The following BEAN1 variants were observed in gnomAD, a reference collection of about 807,000 sequenced individuals.
BEAN1 encodes protein BEAN1.
Under a neutral mutation model 17.7 loss-of-function variants are expected in BEAN1, and 17 were observed. The ratio of observed to expected loss-of-function variants is 0.96; its 90% CI spans 0.66 to 1.44. The LOEUF (loss-of-function observed/expected upper bound fraction) is 1.44. BEAN1 is among the 40% of genes most tolerant of loss of function. The pLI is 0.00. For missense variants in BEAN1, 359 were observed against 374.1 expected, an observed-to-expected ratio of 0.96 and a Z score of 0.33; for synonymous variants, 142 against 151.8, an observed-to-expected ratio of 0.94 and a Z score of 0.47.
chr16:66,439,168 G>A (rs1302932810), intron 2 of BEAN1, among the ~76,000 whole-genome samples: 1 of 152,174 alleles, frequency 6.6e-6, no homozygotes, highest in South Asian at 2.1e-4. Context: ...GCTGGCTGTG[G>A]GGTTCATTGT....
chr16:66,475,475 A>G (rs1597040140), intron 3 of BEAN1: 2 of 152,256 alleles, frequency 1.3e-5, no homozygotes, highest in African/African-American at 4.8e-5. Flanking sequence ...TGTGACAGGC[A>G]CACCTGCTGC....
intron 2 of BEAN1, among the ~76,000 whole-genome samples, chr16:66,466,935 T>C (rs906111224): frequency 6.6e-6 from 1 of 152,158 alleles, no homozygotes; most frequent in Non-Finnish European, 1.5e-5. Context: ...ACAAATCCAA[T>C]TTGTCAGTAC....
intron 2 of BEAN1, among the ~76,000 whole-genome samples, chr16:66,466,205 G>T (rs1236449813): frequency 6.6e-6 from 1 of 152,178 alleles, no homozygotes; most frequent in Non-Finnish European, 1.5e-5. Context: ...TGAGGCAGGA[G>T]AATCACTTGA....
chr16:66,486,881 C>T (rs1167565282), downstream of BEAN1, among the ~76,000 whole-genome samples: 5 of 152,258 alleles, frequency 3.3e-5, no homozygotes, highest in East Asian at 3.9e-4. Flanking sequence ...CAGGGTCAGG[C>T]GGAGAGTGGT....
intron 2 of BEAN1, among the ~76,000 whole-genome samples, chr16:66,451,528 T>C (rs1449168147): frequency 6.6e-6 from 1 of 152,266 alleles, no homozygotes; most frequent in African/African-American, 2.4e-5. Flanking sequence ...AGATGTTCTC[T>C]GATGTTTTCC....
At chr16:66,431,031 G>A (rs1263306078) in intron 1 of BEAN1, among the ~76,000 whole-genome samples, 1 of 152,132 alleles carries the variant, frequency 6.6e-6, no homozygotes, top group African/African-American at 2.4e-5. Flanking sequence ...AGGATAATTT[G>A]ATAAAGGTTA....
At chr16:66,441,703 A>C (rs1470785635) in intron 2 of BEAN1, among the ~76,000 whole-genome samples, 1 of 152,192 alleles carries the variant, frequency 6.6e-6, no homozygotes, top group Non-Finnish European at 1.5e-5. Context: ...GTGAACAGCT[A>C]TGCCCACCAA....
At chr16:66,440,622 GC>G (rs1283801124) in intron 2 of BEAN1, among the ~76,000 whole-genome samples, 1 of 152,196 alleles carries the variant, frequency 6.6e-6, no homozygotes, top group Non-Finnish European at 1.5e-5. Flanking sequence ...CTCCAGTGCA[GC>G]CCCCGCCCTT....
intron 2 of BEAN1, among the ~76,000 whole-genome samples, chr16:66,459,160 C>T (rs1962985990): frequency 6.6e-6 from 1 of 152,200 alleles, no homozygotes; most frequent in Non-Finnish European, 1.5e-5. Flanking sequence ...GCCTGAGTTC[C>T]AAGCTCATGG....
intron 1 of BEAN1, among the ~76,000 whole-genome samples, chr16:66,430,773 C>T (rs1247230179): frequency 6.6e-6 from 1 of 152,130 alleles, no homozygotes; most frequent in Non-Finnish European, 1.5e-5. Context: ...ATTGTATGCC[C>T]ACGTCAATAT....
chr16:66,477,918 G>A (rs972203455), intron 4 of BEAN1: 3 of 486,872 alleles, frequency 6.2e-6, no homozygotes, highest in African/African-American at 6.1e-5. Flanking sequence ...ACCTGGAAGT[G>A]CTAGGAAAGG....
chr16:66,475,204 A>C (rs1386931453), intron 3 of BEAN1, among the ~76,000 whole-genome samples: 2 of 152,156 alleles, frequency 1.3e-5, no homozygotes, highest in Non-Finnish European at 2.9e-5. Context: ...GGGAAGTTCA[A>C]ATGGGAGTGG....
intron 4 of BEAN1, among the ~76,000 whole-genome samples, chr16:66,478,665 C>T (rs1229668096): frequency 2.0e-5 from 3 of 152,126 alleles, no homozygotes; most frequent in African/African-American, 7.2e-5. Flanking sequence ...GAAAATGACA[C>T]AGAAGTGCCA....
rs980466620 is a variant in BEAN1 at position 66,428,700 on chromosome 16, C to A, written c.-83+1269C>A. On this transcript the variant is annotated intron_variant, in intron 1 of 4. Coordinates refer to ENST00000536005, the MANE Select transcript of BEAN1 (RefSeq NM_001178020.3). ...AGGGTATGTAGCCTGGTGCCTGGCA[C>A]GCAGCCAGTGGCCAATTGTGGTGGG... is the stretch of plus-strand genomic sequence containing the variant. Among the ~76,000 whole-genome samples the A allele has an allele frequency of 3.9e-5, 6 of 152,216 alleles. No homozygotes were observed. The East Asian group carries it at 1.2e-3, about 29-fold the overall frequency.
chr16:66,493,892 G>A (rs569853082), downstream of BEAN1, among the ~76,000 whole-genome samples: 116 of 152,332 alleles, frequency 7.6e-4, no homozygotes, highest in African/African-American at 2.6e-3. Flanking sequence ...GGCATCCCAC[G>A]CCCTGAGGTG....
intron 2 of BEAN1, among the ~76,000 whole-genome samples, chr16:66,445,342 G>A (rs960589325): frequency 1.3e-5 from 2 of 151,848 alleles, no homozygotes; most frequent in Non-Finnish European, 2.9e-5. Flanking sequence ...CGGGCGTGGT[G>A]GTGGGCGCCT....
intron 4 of BEAN1, among the ~76,000 whole-genome samples, chr16:66,478,787 G>A (rs1423127843): frequency 1.3e-5 from 2 of 152,120 alleles, no homozygotes; most frequent in African/African-American, 4.8e-5. Flanking sequence ...GATCAGGGAG[G>A]ATGGGCTGAC....
chr16:66,467,663 C>T lies in BEAN1; in HGVS notation c.26-1939C>T, dbSNP rs985097272. Among the ~76,000 whole-genome samples, 4 of 152,346 alleles carry T rather than the reference C, an allele frequency of 2.6e-5. No homozygotes were observed. The East Asian group carries it at 5.8e-4, about 22-fold the overall frequency. ...CACTCTTGTCTCCACACCCCACATT[C>T]TCACATCGGAGGGTCAGGAAGCATG... On this transcript the variant is annotated intron_variant, in intron 2 of 4. Coordinates refer to ENST00000536005, the MANE Select transcript of BEAN1 (RefSeq NM_001178020.3).
rs115590009 is a variant in BEAN1 at position 66,461,885 on chromosome 16, C to T, written c.26-7717C>T. Among the ~76,000 whole-genome samples, 430 of 152,304 alleles carry T rather than the reference C, an allele frequency of 2.8e-3. 2 individuals carry two copies. Among genetic ancestry groups the T allele is most frequent in the African/African-American group, 9.9e-3 (412 of 41,562 alleles). ...GCTCTGAAGGTGAGAGGACGCATGACAGAGAGCAATCAGAGTGGCCATTGG... is the reference window on the plus strand; with the variant it reads ...GCTCTGAAGGTGAGAGGACGCATGATAGAGAGCAATCAGAGTGGCCATTGG... On this transcript the variant is annotated intron_variant, in intron 2 of 4. Coordinates refer to ENST00000536005, the MANE Select transcript of BEAN1 (RefSeq NM_001178020.3).
Sources: gnomAD v4.1 joint callset for allele counts (sites outside exome capture counted in the v4.1 genomes callset) on GRCh38, gnomAD v4.1.1 for gene constraint, MANE v1.5 for transcripts, NCBI Gene and HGNC (gene_info 2026-07-23, HGNC 2026-07-21) for gene names.